Variants in CSMD3 observed in about 807,000 individuals in gnomAD.
CSMD3 encodes the protein CUB and sushi domain-containing protein 3.
In CSMD3, 177 loss-of-function variants were observed where a neutral mutation model predicts 435.2. The ratio of observed to expected loss-of-function variants is 0.41; its 90% CI spans 0.36 to 0.46. CSMD3 has a LOEUF of 0.46. Among genes scored for constraint, CSMD3 ranks in the 20% least tolerant of loss-of-function variants. CSMD3 has a pLI of 0.34. For missense variants in CSMD3, 4,265 were observed against 4,504.6 expected, an observed-to-expected ratio of 0.95 and a Z score of 1.52; for synonymous variants, 1,656 against 1,520.5, an observed-to-expected ratio of 1.09 and a Z score of -2.07.
At chr8:112,680,732 A>G (rs939661525) in intron 16 of CSMD3, among the ~76,000 whole-genome samples, 2 of 152,182 alleles carry the variant, frequency 1.3e-5, no homozygotes, top group African/African-American at 4.8e-5. Flanking sequence ...CACTAGGAAA[A>G]CATAATTACA....
At chr8:112,906,606 C>T (rs72680300) in intron 10 of CSMD3, among the ~76,000 whole-genome samples, 7,717 of 151,478 alleles carry the variant, frequency 0.051, 220 homozygotes, top group Non-Finnish European at 0.062. Context: ...GAAAATTACA[C>T]GGCAGCAACA....
At chr8:112,902,258 A>G (rs2082125241) in intron 10 of CSMD3, among the ~76,000 whole-genome samples, 1 of 151,204 alleles carries the variant, frequency 6.6e-6, no homozygotes, top group African/African-American at 2.4e-5. Context: ...CTCTTGTTAA[A>G]TCCCAGTGTC....
At chr8:112,337,781 C>A (rs961689749) in intron 42 of CSMD3, 50 bp from the exon 43 acceptor site, 2 of 1,457,210 alleles carry the variant, frequency 1.4e-6, no homozygotes, top group Admixed American at 1.8e-5. Flanking sequence ...TTTCAGAGGC[C>A]ACAGATAGGG....
At chr8:112,854,494 A>G (rs1242682114) in intron 11 of CSMD3, among the ~76,000 whole-genome samples, 2 of 152,176 alleles carry the variant, frequency 1.3e-5, no homozygotes, top group African/African-American at 4.8e-5. Flanking sequence ...AGAAAGAGAA[A>G]TTACAGCTCA....
intron 13 of CSMD3, among the ~76,000 whole-genome samples, chr8:112,706,404 A>G (rs1290759959): frequency 6.6e-6 from 1 of 151,978 alleles, no homozygotes; most frequent in Non-Finnish European, 1.5e-5. Context: ...GAATATGGAG[A>G]AAAAAAATAA....
At chr8:112,305,016 C>A in intron 51 of CSMD3, 101 bp from the exon 52 acceptor site, 1 of 828,882 alleles carries the variant, frequency 1.2e-6, no homozygotes, top group Admixed American at 2.0e-5. Context: ...TACTCTTGCA[C>A]TATACAAGGT....
At chr8:113,134,421 A>T (rs1372709532) in intron 4 of CSMD3, among the ~76,000 whole-genome samples, 3 of 152,044 alleles carry the variant, frequency 2.0e-5, no homozygotes, top group Non-Finnish European at 4.4e-5. Context: ...TTCAGATGAG[A>T]TCAATGCTCA....
intron 1 of CSMD3, among the ~76,000 whole-genome samples, chr8:113,323,668 T>A (rs2093963902): frequency 6.6e-6 from 1 of 152,192 alleles, no homozygotes; most frequent in African/African-American, 2.4e-5. Context: ...TAAAACAACA[T>A]AAATTTTATT....
intron 3 of CSMD3, among the ~76,000 whole-genome samples, chr8:113,196,918 C>T (rs1356634465): frequency 6.6e-6 from 1 of 151,066 alleles, no homozygotes; most frequent in Non-Finnish European, 1.5e-5. Context: ...TATCTCAAGC[C>T]CTGACATTCT....
rs926188809 is a variant in CSMD3, at chr8:112,712,675, T to G, written c.1973-22625A>C. On this transcript the variant is annotated intron_variant, in intron 13 of 70. Transcript: ENST00000297405. The stretch of plus-strand genomic sequence containing the variant: ...GCATTAAGACATTTGTGCCTTGTAG[T>G]CTTTTAATCTTGAATATTTGCTAGT... Among the ~76,000 whole-genome samples, 3 of 152,128 alleles carry G rather than the reference T, an allele frequency of 2.0e-5. No individual in the cohort carries two copies. The South Asian group carries it at 6.2e-4, about 31-fold the overall frequency.
At chr8:112,319,251 A>G (rs371614781) in intron 46 of CSMD3, among the ~76,000 whole-genome samples, 4 of 152,106 alleles carry the variant, frequency 2.6e-5, no homozygotes, top group African/African-American at 7.2e-5. Flanking sequence ...ATATTCAATA[A>G]AAATACAACA....
At chr8:113,077,468 G>A (rs993288349) in intron 5 of CSMD3, among the ~76,000 whole-genome samples, 2 of 152,060 alleles carry the variant, frequency 1.3e-5, no homozygotes, top group Non-Finnish European at 2.9e-5. Context: ...TTGGGAGGCC[G>A]AAACGGGTGG....
intron 6 of CSMD3, among the ~76,000 whole-genome samples, chr8:113,011,783 G>A (rs1280651692): frequency 6.6e-6 from 1 of 151,584 alleles, no homozygotes; most frequent in African/African-American, 2.4e-5. Flanking sequence ...CAGAATAAAT[G>A]CTATCAGAAA....
intron 16 of CSMD3, among the ~76,000 whole-genome samples, chr8:112,673,922 A>G (rs1460429342): frequency 6.6e-6 from 1 of 152,050 alleles, no homozygotes; most frequent in Non-Finnish European, 1.5e-5. Flanking sequence ...AAAGTTGGTG[A>G]AGCAAAAACA....
At chr8:113,146,858 G>A (rs1467341243) in intron 4 of CSMD3, among the ~76,000 whole-genome samples, 2 of 151,562 alleles carry the variant, frequency 1.3e-5, no homozygotes, top group Non-Finnish European at 3.0e-5. Context: ...GAGGTATAAG[G>A]AATAAAAAGT....
At chr8:112,237,413 A>C in intron 66 of CSMD3, 65 bp from the exon 67 acceptor site, 1 of 1,175,452 alleles carries the variant, frequency 8.5e-7, no homozygotes, top group Non-Finnish European at 1.3e-6. Context: ...AGCATTAAAT[A>C]GAGTATTAGT....
At chr8:112,889,481 G>A (rs1051878580) in intron 10 of CSMD3, among the ~76,000 whole-genome samples, 3 of 151,624 alleles carry the variant, frequency 2.0e-5, no homozygotes, top group African/African-American at 7.3e-5. Context: ...ACACAGACCA[G>A]CCTAGCATTA....
intron 50 of CSMD3, among the ~76,000 whole-genome samples, chr8:112,308,435 C>T (rs1490573463): frequency 9.9e-5 from 15 of 152,066 alleles, no homozygotes; most frequent in East Asian, 3.9e-4. Context: ...AAAGAGACAA[C>T]GTACCAGAAT....
At chr8:112,255,552 A>T in intron 61 of CSMD3, 125 bp from the exon 62 acceptor site, 1 of 828,858 alleles carries the variant, frequency 1.2e-6, no homozygotes, top group Non-Finnish European at 1.9e-6. Flanking sequence ...TGATAAAGCT[A>T]TCCCAATGAA....
Sources: allele counts gnomAD v4.1 joint callset (sites outside exome capture counted in the v4.1 genomes callset), GRCh38; gene constraint gnomAD v4.1.1; transcripts MANE v1.5; gene names NCBI Gene and HGNC (gene_info 2026-07-23, HGNC 2026-07-21).